The following INVS variants were observed in gnomAD, a reference collection of about 807,000 sequenced individuals.
INVS encodes the protein inversin.
In INVS, 86 loss-of-function variants were observed where a neutral mutation model predicts 108.8. That is an observed-to-expected ratio of 0.79 (90% CI 0.66 to 0.95). INVS has a LOEUF of 0.95. INVS is among the 40% of genes least tolerant of loss of function. The pLI is 0.00. For synonymous variants in INVS, 455 were observed against 473.5 expected (o/e 0.96, Z 0.51); for missense variants, 1,169 against 1,297.4 (o/e 0.90, Z 1.52).
chr9:100,109,131 GA>G (rs1201035784), intron 2 of INVS, among the ~76,000 whole-genome samples: 4 of 152,252 alleles, frequency 2.6e-5, no homozygotes, highest in African/African-American at 9.6e-5. Context: ...AGTATTGGTA[GA>G]AAAAAGTATA....
At chr9:100,159,857 T>G (rs1829113580) in intron 3 of INVS, among the ~76,000 whole-genome samples, 1 of 152,188 alleles carries the variant, frequency 6.6e-6, no homozygotes, top group South Asian at 2.1e-4. Flanking sequence ...TCGACTCTGA[T>G]GATTCTGCTG....
chr9:100,186,853 CTTTTTA>C (rs1830068846), intron 3 of INVS, among the ~76,000 whole-genome samples: 1 of 151,924 alleles, frequency 6.6e-6, no homozygotes, highest in Non-Finnish European at 1.5e-5. Flanking sequence ...TGAGCAGAAG[CTTTTTA>C]TTTTTATTAG....
chr9:100,197,238 T>A (rs1416890091), intron 3 of INVS, among the ~76,000 whole-genome samples: 1 of 152,128 alleles, frequency 6.6e-6, no homozygotes, highest in Non-Finnish European at 1.5e-5. Flanking sequence ...ACTAGTTTAT[T>A]ACAAAGGATA....
chr9:100,265,115 T>C (rs1832750161), intron 11 of INVS, among the ~76,000 whole-genome samples, 187 bp downstream of exon 11: 1 of 152,064 alleles, frequency 6.6e-6, no homozygotes, highest in Non-Finnish European at 1.5e-5. Context: ...GCCAATTTTT[T>C]TGTATTTTTA....
chr9:100,165,756 C>T, intron 3 of INVS, among the ~76,000 whole-genome samples: 1 of 152,172 alleles, frequency 6.6e-6, no homozygotes, highest in East Asian at 1.9e-4. Flanking sequence ...GTCAAGTAGA[C>T]TTCTTGATCC....
In INVS at chr9:100,246,647, C is replaced by T. The variant is rs756222867; in HGVS notation, c.938C>T (p.Ser313Leu). ...ETVKVFLKHP[S>L]VKDDSDLEGR... is the part of the protein sequence containing the mutation. ...GTTAAAGTGTTTTTAAAACATCCTT[C>T]AGTGAAAGATGATTCAGACCTGGAA... is the stretch of plus-strand genomic sequence containing the variant. The change falls in exon 8 of 17, where the codon TCA becomes TTA. Residue 313 changes from serine to leucine, a missense_variant. Physicochemically the swap from Ser to Leu is moderately radical, Grantham distance 145. Around this residue, in one of 3 missense-constraint regions of INVS, gnomAD observed 365 missense variants for 397.5 expected, o/e 0.92. Coordinates refer to ENST00000262457, the MANE Select transcript of INVS (RefSeq NM_014425.5). 3 of 1,613,686 alleles carry T rather than the reference C, an allele frequency of 1.9e-6. No individual in the cohort carries two copies. In the East Asian group the frequency reaches 6.7e-5, roughly 36 times the overall value.
At chr9:100,127,727 T>A (rs1827930557) in intron 3 of INVS, among the ~76,000 whole-genome samples, 1 of 152,322 alleles carries the variant, frequency 6.6e-6, no homozygotes, top group South Asian at 2.1e-4. Flanking sequence ...TATGCGCTTC[T>A]CAGTTAGGTC....
chr9:100,189,173 A>G (rs1830148554), intron 3 of INVS, among the ~76,000 whole-genome samples: 1 of 138,282 alleles, frequency 7.2e-6, no homozygotes, highest in Admixed American at 7.1e-5. Context: ...CCTTGTCAAA[A>G]ACACAGGTTT....
intron 3 of INVS, among the ~76,000 whole-genome samples, chr9:100,154,165 T>C (rs1341795464): frequency 1.3e-5 from 2 of 151,944 alleles, no homozygotes; most frequent in Non-Finnish European, 2.9e-5. Context: ...TGCACTTTTT[T>C]TGTTGTTTTT....
chr9:100,151,914 C>T (rs965071327), intron 3 of INVS, among the ~76,000 whole-genome samples: 7 of 152,164 alleles, frequency 4.6e-5, no homozygotes, highest in African/African-American at 1.7e-4. Flanking sequence ...CAACAAAATA[C>T]AGCTGATTCA....
chr9:100,242,789 C>A, intron 7 of INVS, 110 bp downstream of exon 7: 1 of 716,116 alleles, frequency 1.4e-6, no homozygotes, highest in South Asian at 1.5e-5. Flanking sequence ...TGCATGTACC[C>A]TTCACCTAGT....
chr9:100,243,236 G>A (rs958746305), intron 7 of INVS, among the ~76,000 whole-genome samples: 8 of 152,032 alleles, frequency 5.3e-5, no homozygotes, highest in African/African-American at 1.7e-4. Flanking sequence ...GAACAATCTC[G>A]GCTAGAATCT....
chr9:100,156,930 A>G, intron 3 of INVS, among the ~76,000 whole-genome samples: 1 of 125,134 alleles, frequency 8.0e-6, no homozygotes, highest in East Asian at 3.7e-4. Context: ...ATGTATATAT[A>G]CATATATATA....
intron 3 of INVS, among the ~76,000 whole-genome samples, chr9:100,185,923 C>T (rs964773522): frequency 2.6e-5 from 4 of 151,938 alleles, no homozygotes; most frequent in Non-Finnish European, 5.9e-5. Context: ...ATATATGTTC[C>T]ACATTTTCTT....
At chr9:100,147,460 T>C (rs1430684605) in intron 3 of INVS, among the ~76,000 whole-genome samples, 5 of 152,196 alleles carry the variant, frequency 3.3e-5, no homozygotes, top group African/African-American at 1.2e-4. Flanking sequence ...AAAACTGTGC[T>C]AAAATATTTT....
At chr9:100,198,733 C>T (rs762560674) in intron 3 of INVS, among the ~76,000 whole-genome samples, 5 of 151,780 alleles carry the variant, frequency 3.3e-5, no homozygotes, top group Non-Finnish European at 7.4e-5. Flanking sequence ...GCTGGGACTA[C>T]GGGCATGCAC....
rs937381403 is a variant in INVS, at chr9:100,249,553, G to A, written c.1079-2730G>A. ...TCTCTTGCCCGGGCTGGAGTGCAGT[G>A]ACATGATCTCAGCTCACTGCAACCT... On this transcript the variant is annotated intron_variant, in intron 8 of 16. Coordinates refer to ENST00000262457, the MANE Select transcript of INVS (RefSeq NM_014425.5). Among the ~76,000 whole-genome samples, 5 of 151,982 alleles carry A rather than the reference G, an allele frequency of 3.3e-5. No homozygotes were observed. The East Asian group carries it at 7.9e-4, about 24-fold the overall frequency.
At chr9:100,247,095 A>G (rs903674690) in intron 8 of INVS, among the ~76,000 whole-genome samples, 1 of 152,066 alleles carries the variant, frequency 6.6e-6, no homozygotes, top group Admixed American at 6.5e-5. Context: ...AAAAAAAAAA[A>G]AACCTACACT....
intron 3 of INVS, among the ~76,000 whole-genome samples, chr9:100,127,944 T>C (rs143204393): frequency 2.2e-4 from 34 of 152,298 alleles, no homozygotes; most frequent in African/African-American, 7.7e-4. Flanking sequence ...ATAGTTCAGA[T>C]TGGGAAAAGC....
Sources: allele counts gnomAD v4.1 joint callset (sites outside exome capture counted in the v4.1 genomes callset), GRCh38; gene constraint gnomAD v4.1.1; regional missense constraint gnomAD v4.1.1; transcripts MANE v1.5; gene names NCBI Gene and HGNC (gene_info 2026-07-23, HGNC 2026-07-21).